The following DHRSX variants were observed in gnomAD, a reference collection of about 807,000 sequenced individuals.
DHRSX encodes the protein polyprenol dehydrogenase.
Under a neutral mutation model 34.0 loss-of-function variants are expected in DHRSX, and 31 were observed. The observed-to-expected ratio is 0.91, with a 90% confidence interval of 0.69 to 1.23. The LOEUF (loss-of-function observed/expected upper bound fraction) is 1.23. Among genes scored for constraint, DHRSX ranks in the 50% most tolerant of loss-of-function variants. DHRSX has a pLI of 0.00. For synonymous variants in DHRSX, 201 were observed against 183.8 expected (o/e 1.09, Z -0.76); for missense variants, 414 against 428.1 (o/e 0.97, Z 0.29).
At chrX:2,346,806 T>C (rs1395181712) in intron 3 of DHRSX, among the ~76,000 whole-genome samples, 2 of 151,766 alleles carry the variant, frequency 1.3e-5, no homozygotes, top group Non-Finnish European at 2.9e-5. Flanking sequence ...CCCAGTCCCC[T>C]ACTCCCCGAC....
intron 5 of DHRSX, 94 bp from the exon 6 acceptor site, chrX:2,243,324 G>A (rs768626252): frequency 5.6e-5 from 61 of 1,092,218 alleles, no homozygotes; most frequent in South Asian, 4.1e-4. Flanking sequence ...CCACGGCCAC[G>A]TCTATACGCA....
At chrX:2,283,004 G>A (rs73185741) in intron 4 of DHRSX, among the ~76,000 whole-genome samples, 78 of 151,430 alleles carry the variant, frequency 5.2e-4, no homozygotes, top group Non-Finnish European at 9.6e-4. Flanking sequence ...GTGAAGAGGT[G>A]GAAAGAGAGA....
chrX:2,241,318 C>T (rs1433983628), intron 6 of DHRSX, among the ~76,000 whole-genome samples: 1 of 152,172 alleles, frequency 6.6e-6, no homozygotes, highest in East Asian at 1.9e-4. Context: ...TAAAAACCAA[C>T]ACCCCAAAGT....
At chrX:2,306,235 A>G (rs1366171101) in intron 3 of DHRSX, among the ~76,000 whole-genome samples, 1 of 151,548 alleles carries the variant, frequency 6.6e-6, no homozygotes, top group Non-Finnish European at 1.5e-5. Flanking sequence ...GCATCCATTC[A>G]GGAGCTACCT....
At chrX:2,252,016 T>A (rs2016445335) in intron 5 of DHRSX, among the ~76,000 whole-genome samples, 1 of 152,028 alleles carries the variant, frequency 6.6e-6, no homozygotes, top group African/African-American at 2.4e-5. Flanking sequence ...GGTGGGTGGA[T>A]CACCTGAGGC....
intron 1 of DHRSX, among the ~76,000 whole-genome samples, chrX:2,452,196 C>T (rs1429769514): frequency 2.6e-5 from 4 of 151,712 alleles, no homozygotes; most frequent in Admixed American, 6.6e-5. Context: ...GCCATGTACA[C>T]ACTGAAGATG....
At chrX:2,304,170 C>CGGA (rs1569485864) in intron 3 of DHRSX, among the ~76,000 whole-genome samples, 503 of 34,230 alleles carry the variant, frequency 0.015, 22 homozygotes, top group Admixed American at 0.096. Flanking sequence ...GATGGATGAA[C>CGGA]TGATGGATGG....
intron 1 of DHRSX, 103 bp downstream of exon 1, chrX:2,500,714 A>C: frequency 5.5e-6 from 1 of 181,476 alleles, no homozygotes; most frequent in Non-Finnish European, 7.6e-6. Context: ...CGGGAGCGCC[A>C]CCGCCTCGCC....
chrX:2,359,299 G>A (rs1159097630), intron 3 of DHRSX, among the ~76,000 whole-genome samples: 2 of 152,178 alleles, frequency 1.3e-5, no homozygotes, highest in Non-Finnish European at 2.9e-5. Flanking sequence ...ACACATGCAC[G>A]TGTATGTTCG....
At chrX:2,236,573 A>G (rs138657293) in intron 6 of DHRSX, among the ~76,000 whole-genome samples, 5 of 152,204 alleles carry the variant, frequency 3.3e-5, no homozygotes, top group African/African-American at 1.2e-4. Flanking sequence ...CTGGGATTAC[A>G]GGCGTCCGCC....
chrX:2,257,068 G>A (rs1033402004), intron 5 of DHRSX, among the ~76,000 whole-genome samples: 4 of 152,142 alleles, frequency 2.6e-5, no homozygotes, highest in African/African-American at 7.2e-5. Flanking sequence ...CAATTATCCT[G>A]CCTCAGCCTT....
chrX:2,276,004 C>G (rs1479552445), intron 4 of DHRSX, among the ~76,000 whole-genome samples: 2 of 152,006 alleles, frequency 1.3e-5, no homozygotes, highest in Non-Finnish European at 2.9e-5. Context: ...CTACTATGCC[C>G]AGCTAATTTC....
intron 6 of DHRSX, among the ~76,000 whole-genome samples, chrX:2,232,784 G>A (rs1419898085): frequency 2.0e-5 from 3 of 151,890 alleles, no homozygotes; most frequent in South Asian, 2.1e-4. Flanking sequence ...ATGTTGGCCA[G>A]GCTGGTCTCG....
chrX:2,356,649 CT>C (rs1437827857), intron 3 of DHRSX, among the ~76,000 whole-genome samples: 1 of 152,160 alleles, frequency 6.6e-6, no homozygotes, highest in Non-Finnish European at 1.5e-5. Context: ...TCTGCCACCC[CT>C]GAGAAAGCCA....
chrX:2,270,551 C>G (rs2041536640), intron 4 of DHRSX, among the ~76,000 whole-genome samples: 1 of 151,880 alleles, frequency 6.6e-6, no homozygotes, highest in Admixed American at 6.6e-5. Flanking sequence ...ACAGAAGACT[C>G]AGCAGTGGGT....
At chrX:2,298,658 C>G (rs1340589097) in intron 3 of DHRSX, among the ~76,000 whole-genome samples, 1 of 125,522 alleles carries the variant, frequency 8.0e-6, no homozygotes, top group Non-Finnish European at 1.5e-5. Flanking sequence ...TTTCACTGCT[C>G]TACACAGGGT....
chrX:2,413,893 T>C (rs1166349699), intron 2 of DHRSX, among the ~76,000 whole-genome samples: 1 of 151,788 alleles, frequency 6.6e-6, no homozygotes, highest in Non-Finnish European at 1.5e-5. Flanking sequence ...CTAAATCTCA[T>C]TATAACCTAG....
At chrX:2,371,095 A>G (rs1050086389) in intron 3 of DHRSX, among the ~76,000 whole-genome samples, 5 of 151,558 alleles carry the variant, frequency 3.3e-5, no homozygotes, top group African/African-American at 9.7e-5. Context: ...CTCTTGTTAC[A>G]ATAGTTCCTC....
intron 3 of DHRSX, among the ~76,000 whole-genome samples, chrX:2,404,724 C>G (rs1395402752): frequency 6.6e-6 from 1 of 152,142 alleles, no homozygotes; most frequent in African/African-American, 2.4e-5. Context: ...ATACTTCCCC[C>G]TACACAGAGC....
Sources: allele counts gnomAD v4.1 joint callset (sites outside exome capture counted in the v4.1 genomes callset), GRCh38; gene constraint gnomAD v4.1.1; transcripts MANE v1.5; gene names NCBI Gene and HGNC (gene_info 2026-07-23, HGNC 2026-07-21).